The following RBFOX2 variants were observed in gnomAD, a reference collection of about 807,000 sequenced individuals.
RBFOX2 encodes the protein RNA binding fox-1 homolog 2, also known as RNA binding protein fox-1 homolog 2.
Under a neutral mutation model 49.1 loss-of-function variants are expected in RBFOX2, and 10 were observed. That is an observed-to-expected ratio of 0.20 (90% CI 0.13 to 0.35). The LOEUF is 0.35. Ranked by LOEUF, RBFOX2 falls within the 10% of genes least tolerant of loss-of-function variation. The pLI is 1.00. For missense variants in RBFOX2, 323 were observed against 486.9 expected, an observed-to-expected ratio of 0.66 and a Z score of 3.17; for synonymous variants, 183 against 187.4, an observed-to-expected ratio of 0.98 and a Z score of 0.19.
intron 2 of RBFOX2, among the ~76,000 whole-genome samples, chr22:35,784,430 C>T (rs1945922131): frequency 6.6e-6 from 1 of 152,242 alleles, no homozygotes; most frequent in African/African-American, 2.4e-5. Flanking sequence ...CCTCCCTGCC[C>T]TCCTGGCACC....
At chr22:35,836,800 G>T (rs969432754) in intron 1 of RBFOX2, among the ~76,000 whole-genome samples, 3 of 152,284 alleles carry the variant, frequency 2.0e-5, no homozygotes, top group African/African-American at 7.2e-5. Flanking sequence ...AACTGAATTT[G>T]AGTTTGGCTA....
exon 1 of RBFOX2, chr22:36,028,387 G>C: frequency 7.8e-7 from 1 of 1,279,896 alleles, no homozygotes. Flanking sequence ...CGCCGGGCCC[G>C]AGCTGAGGCG....
At chr22:35,783,556 C>T (rs1032032951) in intron 2 of RBFOX2, among the ~76,000 whole-genome samples, 2 of 151,768 alleles carry the variant, frequency 1.3e-5, no homozygotes, top group African/African-American at 2.4e-5. Context: ...GGGGGCACAG[C>T]GTGGAGGGGG....
chr22:35,901,614 CTG>C (rs1256808016), intron 1 of RBFOX2, among the ~76,000 whole-genome samples: 1 of 152,210 alleles, frequency 6.6e-6, no homozygotes, highest in Non-Finnish European at 1.5e-5. Context: ...CCAGAAACTT[CTG>C]TGAATGGTGG....
chr22:35,967,070 C>G (rs2056606415), intron 1 of RBFOX2, among the ~76,000 whole-genome samples: 1 of 152,148 alleles, frequency 6.6e-6, no homozygotes, highest in African/African-American at 2.4e-5. Context: ...AATCCTCCTG[C>G]CTCAGCCTCC....
chr22:35,765,830 A>G (rs1317664890), intron 5 of RBFOX2, among the ~76,000 whole-genome samples: 1 of 152,218 alleles, frequency 6.6e-6, no homozygotes, highest in Non-Finnish European at 1.5e-5. Context: ...TTCACTTTGA[A>G]GTCTGTTAAT....
chr22:35,966,811 T>C (rs982753642), intron 1 of RBFOX2, among the ~76,000 whole-genome samples: 1 of 152,126 alleles, frequency 6.6e-6, no homozygotes, highest in Non-Finnish European at 1.5e-5. Flanking sequence ...TTTATATACA[T>C]ATAATTTTTC....
intron 1 of RBFOX2, among the ~76,000 whole-genome samples, chr22:36,019,177 C>A (rs1045883672): frequency 6.6e-6 from 1 of 152,198 alleles, no homozygotes; most frequent in African/African-American, 2.4e-5. Flanking sequence ...AGAGATCCCA[C>A]GGGTTCTAAG....
chr22:35,827,401 T>A (rs984429634), intron 1 of RBFOX2, among the ~76,000 whole-genome samples: 13 of 152,202 alleles, frequency 8.5e-5, no homozygotes, highest in African/African-American at 3.1e-4. Flanking sequence ...ACATGGAAAC[T>A]CTGTTTTTCC....
chr22:35,938,098 T>C (rs546084961), intron 1 of RBFOX2, among the ~76,000 whole-genome samples: 20 of 152,266 alleles, frequency 1.3e-4, no homozygotes, highest in African/African-American at 4.6e-4. Context: ...CTGAAGAACG[T>C]CAATATCCCC....
Position 35,947,815 on chromosome 22 carries a change from T to TA in RBFOX2, c.43-8919dup, listed in dbSNP as rs531255366. Among the ~76,000 whole-genome samples, 23 of 151,968 alleles carry TA rather than the reference T, an allele frequency of 1.5e-4. 1 individual carries two copies. The South Asian group carries it at 3.5e-3, about 23-fold the overall frequency. ...TGTTATTACAAAAGAATCAAAAAGT[T>TA]AAAAAAATTTTAAAGTTTATAAAGT... On this transcript the variant is annotated intron_variant, in intron 1 of 5. Transcript: ENST00000408983.
At chr22:35,789,415 C>T (rs569740367) in intron 2 of RBFOX2, among the ~76,000 whole-genome samples, 14 of 151,986 alleles carry the variant, frequency 9.2e-5, no homozygotes, top group East Asian at 3.9e-4. Context: ...TGGTGGTGCG[C>T]GCCTGTAATC....
chr22:35,961,140 C>T (rs898932510), intron 1 of RBFOX2, among the ~76,000 whole-genome samples: 4 of 152,202 alleles, frequency 2.6e-5, no homozygotes, highest in Admixed American at 2.0e-4. Flanking sequence ...TATTTATATA[C>T]ACCCATCCAT....
At chr22:35,968,447 C>A (rs1822155330) in intron 1 of RBFOX2, among the ~76,000 whole-genome samples, 1 of 152,152 alleles carries the variant, frequency 6.6e-6, no homozygotes, top group Non-Finnish European at 1.5e-5. Flanking sequence ...GCTTCACAGA[C>A]TGGGCTTCCA....
At chr22:35,940,730 A>G (rs1355866607), upstream of RBFOX2, among the ~76,000 whole-genome samples, 1 of 152,208 alleles carries the variant, frequency 6.6e-6, no homozygotes, top group African/African-American at 2.4e-5. Flanking sequence ...AGTATGGTAC[A>G]TCCATAGTGG....
At chr22:35,776,872 C>T (rs1460475299) in intron 4 of RBFOX2, among the ~76,000 whole-genome samples, 1 of 151,440 alleles carries the variant, frequency 6.6e-6, no homozygotes, top group African/African-American at 2.4e-5. Context: ...ATATTCAGTT[C>T]ATCAAATACT....
chr22:35,960,092 C>T (rs762918417), intron 1 of RBFOX2, among the ~76,000 whole-genome samples: 4 of 152,100 alleles, frequency 2.6e-5, no homozygotes, highest in Non-Finnish European at 5.9e-5. Flanking sequence ...ATACAATACG[C>T]CAACTGTACA....
chr22:36,015,730 G>A (rs1197965382), intron 1 of RBFOX2, among the ~76,000 whole-genome samples: 1 of 152,164 alleles, frequency 6.6e-6, no homozygotes, highest in Non-Finnish European at 1.5e-5. Flanking sequence ...GCAGATGAAG[G>A]AGAAGCTGAA....
At chr22:36,016,022 G>A (rs1009199207) in intron 1 of RBFOX2, among the ~76,000 whole-genome samples, 2 of 152,062 alleles carry the variant, frequency 1.3e-5, no homozygotes, top group South Asian at 4.2e-4. Flanking sequence ...GGCCATCCAG[G>A]AGTCCCAACA....
Sources: gnomAD v4.1 joint callset for allele counts (sites outside exome capture counted in the v4.1 genomes callset) on GRCh38, gnomAD v4.1.1 for gene constraint, MANE v1.5 for transcripts, NCBI Gene and HGNC (gene_info 2026-07-23, HGNC 2026-07-21) for gene names.